CDHR3: variants seen among roughly 807,000 people sequenced by gnomAD.
CDHR3 encodes cadherin-related family member 3.
A neutral mutation model predicts 86.6 loss-of-function variants in CDHR3; 79 were observed. That is an observed-to-expected ratio of 0.91 (90% confidence interval 0.76 to 1.10). The LOEUF is 1.10. Among genes scored for constraint, CDHR3 ranks in the 50% least tolerant of loss-of-function variants. The pLI is 0.00. For missense variants in CDHR3, 1,081 were observed against 1,077.6 expected (o/e 1.00, Z -0.04); for synonymous variants, 421 against 402.4 (o/e 1.05, Z -0.55).
chr7:105,967,743 T>C (rs1238341433), intron 1 of CDHR3, among the ~76,000 whole-genome samples: 2 of 152,264 alleles, frequency 1.3e-5, no homozygotes, highest in Admixed American at 1.3e-4. Context: ...GTTGGCTGCA[T>C]AAATGTCTTC....
chr7:106,016,923 G>A (rs910094567), intron 11 of CDHR3, among the ~76,000 whole-genome samples: 6 of 152,102 alleles, frequency 3.9e-5, no homozygotes, highest in African/African-American at 1.4e-4. Context: ...ACTTAGTGCT[G>A]GGATACAGAA....
chr7:105,981,352 G>T (rs568916311), intron 3 of CDHR3, among the ~76,000 whole-genome samples: 12 of 152,286 alleles, frequency 7.9e-5, no homozygotes, highest in Admixed American at 4.6e-4. Flanking sequence ...GGTTTCTCCT[G>T]GTCCCCTCCC....
At chr7:105,980,913 A>G in intron 2 of CDHR3, 55 bp from the exon 3 acceptor site, 2 of 1,515,552 alleles carry the variant, frequency 1.3e-6, no homozygotes, top group Non-Finnish European at 1.8e-6. Context: ...AAGTGCATGC[A>G]TGCAAAACAG....
chr7:105,986,118 G>C (rs377579649), intron 4 of CDHR3, among the ~76,000 whole-genome samples: 2 of 152,154 alleles, frequency 1.3e-5, no homozygotes, highest in South Asian at 2.1e-4. Context: ...GATAGAGCAG[G>C]CAGGCCCAAT....
intron 6 of CDHR3, among the ~76,000 whole-genome samples, chr7:106,001,110 G>T (rs943972840): frequency 1.3e-5 from 2 of 152,050 alleles, no homozygotes; most frequent in Non-Finnish European, 2.9e-5. Flanking sequence ...ACAAAACGTG[G>T]GAAAATGAGA....
intron 2 of CDHR3, among the ~76,000 whole-genome samples, chr7:105,979,542 C>G (rs1410723873): frequency 6.6e-6 from 1 of 152,204 alleles, no homozygotes; most frequent in Non-Finnish European, 1.5e-5. Context: ...GAAGTTTTCT[C>G]TCCTTCAGTT....
intron 5 of CDHR3, among the ~76,000 whole-genome samples, chr7:105,995,072 A>G (rs1215146628): frequency 1.3e-5 from 2 of 152,180 alleles, no homozygotes; most frequent in East Asian, 3.8e-4. Context: ...ACAGTATGGG[A>G]GAGGGTGCCC....
intron 1 of CDHR3, among the ~76,000 whole-genome samples, chr7:105,974,167 T>C (rs1019652659): frequency 6.6e-6 from 1 of 152,204 alleles, no homozygotes; most frequent in African/African-American, 2.4e-5. Flanking sequence ...TATTAAATTG[T>C]AAAATTCCCT....
Position 106,015,165 on chromosome 7 carries a change from T to C in CDHR3, c.1279T>C (p.Tyr427His). The C allele has an allele frequency of 6.2e-7, 1 of 1,611,728 alleles. No individual in the cohort carries two copies. The highest frequency in any genetic ancestry group is 2.2e-5 in the East Asian group (1 of 44,852). ...AAGTAACCTAGCAGCCGGCAATAAA[T>C]ATACGGTGATAATCCAGGTGCAGGA... ...NPSNLAAGNKYTVIIQVQDVA... is the reference protein window; with the variant it reads ...NPSNLAAGNKHTVIIQVQDVA... The change falls in exon 10 of 19, where the codon TAT becomes CAT. Residue 427 changes from tyrosine to histidine, a missense_variant. Physicochemically the swap from Tyr to His is moderately conservative, Grantham distance 83. Transcript: ENST00000317716.
intron 14 of CDHR3, 38 bp from the exon 15 acceptor site, chr7:106,024,343 C>T: frequency 6.3e-7 from 1 of 1,583,798 alleles, no homozygotes; most frequent in East Asian, 2.2e-5. Flanking sequence ...AAATCACTAC[C>T]ACCCTCTACT....
intron 10 of CDHR3, 169 bp from the exon 11 acceptor site, chr7:106,015,758 A>G (rs530324888): frequency 1.5e-6 from 1 of 670,616 alleles, no homozygotes; most frequent in Non-Finnish European, 2.7e-6. Flanking sequence ...TCATGCGCTT[A>G]TCAAAGGGTG....
chr7:105,999,055 G>A (rs1398813119), intron 6 of CDHR3, among the ~76,000 whole-genome samples: 1 of 152,244 alleles, frequency 6.6e-6, no homozygotes. Context: ...TTCCCTGTGA[G>A]TGTGGCCACT....
chr7:105,983,840 T>TG (rs1270090528), intron 3 of CDHR3, among the ~76,000 whole-genome samples: 1 of 152,164 alleles, frequency 6.6e-6, no homozygotes, highest in African/African-American at 2.4e-5. Context: ...ATTCAGCACA[T>TG]GGGGATCCTC....
At chr7:105,994,909 A>G in intron 5 of CDHR3, 64 bp downstream of exon 5, 1 of 1,360,582 alleles carries the variant, frequency 7.3e-7, no homozygotes, top group Non-Finnish European at 1.0e-6. Context: ...AACATGAGGG[A>G]TAGGTCACAG....
chr7:105,974,925 A>C lies in CDHR3; in HGVS notation c.128A>C (p.Lys43Thr), dbSNP rs766258897. The change falls in exon 2 of 19, where the codon AAG (lysine) becomes ACG (threonine). Residue 43 changes from lysine (K) to threonine (T), a missense_variant. Lys to Thr is a moderately conservative substitution (Grantham distance 78). Transcript: ENST00000317716. Reference sequence around the variant, plus strand: ...TCTCCACCTGGGACTTCAGTGCACAAGTTTTCTGTGAAGTTATCAGCATCA... The same window carrying C: ...TCTCCACCTGGGACTTCAGTGCACACGTTTTCTGTGAAGTTATCAGCATCA... ...ENSPPGTSVH[K>T]FSVKLSASLS... 7 of 1,613,674 alleles carry C rather than the reference A, an allele frequency of 4.3e-6. No homozygotes were observed. Among genetic ancestry groups the C allele is most frequent in the Non-Finnish European group, 5.9e-6 (7 of 1,179,786 alleles).
intron 1 of CDHR3, among the ~76,000 whole-genome samples, chr7:105,973,380 G>A (rs900150703): frequency 6.6e-6 from 1 of 152,176 alleles, no homozygotes; most frequent in African/African-American, 2.4e-5. Flanking sequence ...AATTTATTCT[G>A]TCACAGCTCA....
chr7:106,019,894 C>T (rs951020377), intron 12 of CDHR3, among the ~76,000 whole-genome samples: 9 of 152,182 alleles, frequency 5.9e-5, no homozygotes, highest in African/African-American at 2.2e-4. Flanking sequence ...GGCTGAGAAC[C>T]ATTTCTGCAT....
intron 8 of CDHR3, among the ~76,000 whole-genome samples, chr7:106,005,367 T>G (rs1023661272): frequency 6.6e-6 from 1 of 152,236 alleles, no homozygotes; most frequent in Non-Finnish European, 1.5e-5. Context: ...GAAAACAATA[T>G]TGTCTTTCTA....
At chr7:106,014,526 TGGGAG>T (rs1835278416) in intron 9 of CDHR3, among the ~76,000 whole-genome samples, 1 of 152,082 alleles carries the variant, frequency 6.6e-6, no homozygotes, top group Non-Finnish European at 1.5e-5. Context: ...GAGGCTGAGA[TGGGAG>T]GATCATTTGA....
Sources: allele counts gnomAD v4.1 joint callset (sites outside exome capture counted in the v4.1 genomes callset), GRCh38; gene constraint gnomAD v4.1.1; transcripts MANE v1.5; gene names NCBI Gene and HGNC (gene_info 2026-07-23, HGNC 2026-07-21).